Variants in SLC22A15 observed in about 807,000 individuals in gnomAD.
The protein encoded by SLC22A15 is solute carrier family 22 member 15, also known as flipt 1.
A neutral mutation model predicts 62.7 loss-of-function variants in SLC22A15; 45 were observed. That is an observed-to-expected ratio of 0.72 (90% CI 0.56 to 0.92). SLC22A15 has a LOEUF of 0.92. Among genes scored for constraint, SLC22A15 ranks in the 40% least tolerant of loss-of-function variants. The pLI is 0.00. For synonymous variants in SLC22A15, 264 were observed against 267.0 expected (o/e 0.99, Z 0.11); for missense variants, 622 against 665.6 (o/e 0.93, Z 0.72).
chr1:116,039,657 C>CTACCAT (rs1657731501), intron 8 of SLC22A15, among the ~76,000 whole-genome samples: 1 of 152,148 alleles, frequency 6.6e-6, no homozygotes, highest in African/African-American at 2.4e-5. Context: ...TCCACTACCA[C>CTACCAT]TGAGCCATTG....
chr1:116,053,054 G>A (rs7524187), intron 8 of SLC22A15, among the ~76,000 whole-genome samples: 135,343 of 152,218 alleles, frequency 0.89, 61,145 homozygotes, highest in East Asian at 1. Flanking sequence ...AAAGCTGGAC[G>A]GAGAATGACT....
intron 11 of SLC22A15, 105 bp downstream of exon 11, chr1:116,066,813 C>T: frequency 8.5e-7 from 1 of 1,175,514 alleles, no homozygotes; most frequent in African/African-American, 1.6e-5. Flanking sequence ...TGCTGGAAAA[C>T]AAAAGTGGGA....
intron 6 of SLC22A15, chr1:116,032,723 T>C: frequency 1.2e-6 from 1 of 836,154 alleles, no homozygotes; most frequent in Non-Finnish European, 1.4e-6. Context: ...AAGAAAACCG[T>C]TGAAAGCCAA....
At chr1:116,059,906 C>T (rs1292900065) in intron 8 of SLC22A15, among the ~76,000 whole-genome samples, 2 of 152,048 alleles carry the variant, frequency 1.3e-5, no homozygotes, top group East Asian at 1.9e-4. Context: ...CTGTAGTAGT[C>T]GCATCATTGG....
intron 8 of SLC22A15, among the ~76,000 whole-genome samples, chr1:116,047,414 G>A (rs1014362003): frequency 6.6e-5 from 10 of 152,148 alleles, no homozygotes; most frequent in Non-Finnish European, 1.0e-4. Flanking sequence ...GCGACAGAGC[G>A]AGACTCCGTC....
At chr1:116,033,589 A>ATGTGTATG (rs1553223964) in intron 6 of SLC22A15, among the ~76,000 whole-genome samples, 10 of 133,148 alleles carry the variant, frequency 7.5e-5, no homozygotes, top group East Asian at 2.1e-4. Context: ...GTGTGTGTGT[A>ATGTGTATG]TGTGTGTGTG....
At chr1:116,063,176 G>A (rs1410837405) in intron 9 of SLC22A15, among the ~76,000 whole-genome samples, 1 of 152,100 alleles carries the variant, frequency 6.6e-6, no homozygotes, top group Non-Finnish European at 1.5e-5. Context: ...TATTATTTTG[G>A]TGAATTTTAT....
chr1:116,064,987 A>G (rs1304364393), intron 10 of SLC22A15, among the ~76,000 whole-genome samples: 1 of 152,086 alleles, frequency 6.6e-6, no homozygotes, highest in Non-Finnish European at 1.5e-5. Context: ...GAGGAGAAAT[A>G]TGTCTCTCAC....
At chr1:116,059,377 G>A (rs534862831) in intron 8 of SLC22A15, among the ~76,000 whole-genome samples, 120 of 152,298 alleles carry the variant, frequency 7.9e-4, no homozygotes, top group African/African-American at 2.8e-3. Context: ...GTTCATAGTG[G>A]ATTTATTAAT....
At chr1:116,021,121 A>G (rs915391385) in intron 4 of SLC22A15, among the ~76,000 whole-genome samples, 14 of 152,196 alleles carry the variant, frequency 9.2e-5, no homozygotes, top group African/African-American at 1.7e-4. Flanking sequence ...CATCCGCCTC[A>G]TGGACTGCCT....
chr1:116,059,751 C>T (rs1658328242), intron 8 of SLC22A15, among the ~76,000 whole-genome samples: 1 of 152,172 alleles, frequency 6.6e-6, no homozygotes, highest in Non-Finnish European at 1.5e-5. Context: ...CTTGTAATCA[C>T]ACAGTGAATG....
intron 9 of SLC22A15, among the ~76,000 whole-genome samples, chr1:116,064,169 A>C (rs1658443931): frequency 6.6e-6 from 1 of 152,122 alleles, no homozygotes. Context: ...AAATTAAATA[A>C]ATTAAACATT....
At chr1:115,988,582 G>A (rs1654994568) in intron 1 of SLC22A15, among the ~76,000 whole-genome samples, 1 of 152,136 alleles carries the variant, frequency 6.6e-6, no homozygotes, top group Admixed American at 6.5e-5. Flanking sequence ...GTGCAGTGGT[G>A]CAATCTCAGC....
chr1:116,062,171 G>T (rs977889359), intron 8 of SLC22A15, among the ~76,000 whole-genome samples: 13 of 152,214 alleles, frequency 8.5e-5, no homozygotes, highest in Non-Finnish European at 1.6e-4. Context: ...ATCGCGCTGT[G>T]GCACTCCAGC....
intron 8 of SLC22A15, among the ~76,000 whole-genome samples, chr1:116,041,560 T>C (rs1045659583): frequency 6.6e-6 from 1 of 152,044 alleles, no homozygotes; most frequent in Non-Finnish European, 1.5e-5. Context: ...CAAAGTAGGC[T>C]CTGAAAATGC....
At chr1:116,059,384 T>C (rs553183750) in intron 8 of SLC22A15, among the ~76,000 whole-genome samples, 81 of 152,300 alleles carry the variant, frequency 5.3e-4, no homozygotes, top group Non-Finnish European at 9.1e-4. Flanking sequence ...GTGGATTTAT[T>C]AATAATAGCC....
intron 5 of SLC22A15, 148 bp downstream of exon 5, chr1:116,027,170 C>A: frequency 1.3e-6 from 1 of 765,770 alleles, no homozygotes. Context: ...TGCTCCAATT[C>A]TTGGCAGCTC....
chr1:115,997,413 T>G (rs1474522412), intron 2 of SLC22A15, among the ~76,000 whole-genome samples: 1 of 152,206 alleles, frequency 6.6e-6, no homozygotes, highest in East Asian at 1.9e-4. Context: ...TTTAACAATA[T>G]TGATTCTTCC....
At chr1:116,013,584 C>G (rs902531773) in intron 2 of SLC22A15, among the ~76,000 whole-genome samples, 1 of 152,100 alleles carries the variant, frequency 6.6e-6, no homozygotes, top group Non-Finnish European at 1.5e-5. Flanking sequence ...TACATTGTTT[C>G]ATTACTCAGA....
Sources: gnomAD v4.1 joint callset for allele counts (sites outside exome capture counted in the v4.1 genomes callset) on GRCh38, gnomAD v4.1.1 for gene constraint, MANE v1.5 for transcripts, NCBI Gene and HGNC (gene_info 2026-07-23, HGNC 2026-07-21) for gene names.